RNF130: variants seen among roughly 807,000 people sequenced by gnomAD.
RNF130 encodes E3 ubiquitin-protein ligase RNF130.
A neutral mutation model predicts 44.6 loss-of-function variants in RNF130; 21 were observed. The observed-to-expected ratio is 0.47, with a 90% CI of 0.33 to 0.68. The LOEUF (loss-of-function observed/expected upper bound fraction) is 0.68. Ranked by LOEUF, RNF130 falls within the 30% of genes least tolerant of loss-of-function variation. The pLI is 0.02. For missense variants in RNF130, 479 were observed against 560.6 expected (o/e 0.85, Z 1.47); for synonymous variants, 214 against 210.4 (o/e 1.02, Z -0.15).
At chr5:179,981,108 G>A (rs1762827119) in intron 3 of RNF130, among the ~76,000 whole-genome samples, 2 of 152,174 alleles carry the variant, frequency 1.3e-5, no homozygotes, top group African/African-American at 2.4e-5. Context: ...GGTTCCGGGT[G>A]TAGGGGTAGG....
At chr5:179,973,833 G>A (rs1236568519) in intron 5 of RNF130, among the ~76,000 whole-genome samples, 1 of 150,482 alleles carries the variant, frequency 6.6e-6, no homozygotes, top group Non-Finnish European at 1.5e-5. Context: ...AGCAGGTAAC[G>A]TGGACAGTGA....
At chr5:180,026,293 T>C (rs1195665094) in intron 2 of RNF130, among the ~76,000 whole-genome samples, 1 of 152,214 alleles carries the variant, frequency 6.6e-6, no homozygotes, top group East Asian at 1.9e-4. Context: ...CTACAGCTAA[T>C]TCTATCAGAC....
intron 3 of RNF130, among the ~76,000 whole-genome samples, chr5:179,983,868 T>C (rs1365982092): frequency 2.0e-5 from 3 of 152,232 alleles, no homozygotes; most frequent in Non-Finnish European, 2.9e-5. Flanking sequence ...GTCAGATTTA[T>C]TGTTAAGAAT....
chr5:179,964,805 A>G (rs1582145697), intron 7 of RNF130, among the ~76,000 whole-genome samples: 1 of 152,050 alleles, frequency 6.6e-6, no homozygotes, highest in African/African-American at 2.4e-5. Context: ...TGCTTAGTAA[A>G]CCCCTATCTT....
downstream of RNF130, among the ~76,000 whole-genome samples, chr5:179,951,030 A>G (rs1487739290): frequency 6.6e-6 from 1 of 152,202 alleles, no homozygotes; most frequent in Non-Finnish European, 1.5e-5. Flanking sequence ...CACTCTAGAA[A>G]ATAAGGCCAA....
intron 5 of RNF130, among the ~76,000 whole-genome samples, chr5:179,976,270 C>T (rs923262409): frequency 3.9e-5 from 6 of 152,172 alleles, no homozygotes; most frequent in Admixed American, 1.3e-4. Flanking sequence ...TACTTTAGGC[C>T]GAGCCTCCCC....
At chr5:179,940,585 C>T (rs547113310) in intron 7 of RNF130, among the ~76,000 whole-genome samples, 3 of 152,220 alleles carry the variant, frequency 2.0e-5, no homozygotes, top group East Asian at 1.9e-4. Context: ...AGAATTTCAT[C>T]TCAATTTTAA....
chr5:179,999,985 AT>A (rs1220476113), intron 3 of RNF130, among the ~76,000 whole-genome samples: 1 of 152,116 alleles, frequency 6.6e-6, no homozygotes, highest in Non-Finnish European at 1.5e-5. Context: ...TAGTGCTAAG[AT>A]TTGATTCCCT....
intron 5 of RNF130, among the ~76,000 whole-genome samples, chr5:179,976,564 C>T (rs1017342652): frequency 6.6e-6 from 1 of 152,172 alleles, no homozygotes. Flanking sequence ...GGCTGTTCCA[C>T]AGTTTAATTT....
At chr5:180,051,908 A>G (rs548104099) in intron 1 of RNF130, among the ~76,000 whole-genome samples, 1 of 152,358 alleles carries the variant, frequency 6.6e-6, no homozygotes, top group African/African-American at 2.4e-5. Context: ...CTACAGATCT[A>G]AATAACTGAA....
chr5:179,945,941 G>A (rs1283635230), intron 7 of RNF130, among the ~76,000 whole-genome samples: 2 of 151,458 alleles, frequency 1.3e-5, no homozygotes, highest in African/African-American at 2.4e-5. Context: ...AAATGGGGGC[G>A]GGGGCGATTC....
At chr5:179,917,398 C>T (rs537313311) in exon 8 of RNF130, 1 of 152,422 alleles carries the variant, frequency 6.6e-6, no homozygotes, top group Admixed American at 6.5e-5. Context: ...GACTCCTCAG[C>T]CTCTTCCTTA....
At chr5:179,953,060 C>T (rs546181315), downstream of RNF130, among the ~76,000 whole-genome samples, 1 of 152,104 alleles carries the variant, frequency 6.6e-6, no homozygotes, top group Non-Finnish European at 1.5e-5. Context: ...AAAATGATCT[C>T]TATGTACAGA....
chr5:179,959,155 T>G lies in RNF130; in HGVS notation c.1245-3486A>C, dbSNP rs1308303246. Among the ~76,000 whole-genome samples the G allele has an allele frequency of 4.6e-5, 7 of 152,164 alleles. No individual in the cohort carries two copies. In the South Asian group the frequency reaches 1.4e-3, roughly 32 times the overall value. The stretch of plus-strand genomic sequence containing the variant: ...GACCAGTGCAGGACTAAGATCTTGG[T>G]AGGCATTCAATAAACAGTAGTTATT... On this transcript the variant is annotated intron_variant, in intron 8 of 8. Coordinates refer to ENST00000521389, the MANE Select transcript of RNF130 (RefSeq NM_018434.6).
At chr5:180,043,196 G>T (rs867586429) in intron 1 of RNF130, among the ~76,000 whole-genome samples, 1 of 152,040 alleles carries the variant, frequency 6.6e-6, no homozygotes, top group African/African-American at 2.4e-5. Context: ...ATGGTGGCAC[G>T]CACCTGTAGT....
chr5:180,017,170 G>A (rs572662204), intron 2 of RNF130, among the ~76,000 whole-genome samples: 1 of 152,326 alleles, frequency 6.6e-6, no homozygotes, highest in East Asian at 1.9e-4. Flanking sequence ...GTCCAATCCA[G>A]ATGTTCTGAC....
intron 6 of RNF130, among the ~76,000 whole-genome samples, chr5:179,968,852 G>C (rs756040298): frequency 1.3e-5 from 2 of 152,104 alleles, no homozygotes; most frequent in Admixed American, 6.6e-5. Context: ...AGATGCTGCT[G>C]AACGGTCTAC....
intron 7 of RNF130, among the ~76,000 whole-genome samples, chr5:179,929,584 C>T (rs1287604758): frequency 6.6e-6 from 1 of 151,954 alleles, no homozygotes; most frequent in Non-Finnish European, 1.5e-5. Flanking sequence ...CCCATCTCTA[C>T]AAAAAATACA....
intron 6 of RNF130, among the ~76,000 whole-genome samples, chr5:179,969,975 G>T (rs1046250545): frequency 2.6e-5 from 4 of 152,154 alleles, no homozygotes; most frequent in Admixed American, 2.6e-4. Flanking sequence ...TGGGCAACAA[G>T]AGCAAAACTC....
Sources: gnomAD v4.1 joint callset for allele counts (sites outside exome capture counted in the v4.1 genomes callset) on GRCh38, gnomAD v4.1.1 for gene constraint, MANE v1.5 for transcripts, NCBI Gene and HGNC (gene_info 2026-07-23, HGNC 2026-07-21) for gene names.